TBX2: variants seen among roughly 807,000 people sequenced by gnomAD.
TBX2 encodes the protein T-box transcription factor 2.
A neutral mutation model predicts 48.4 loss-of-function variants in TBX2; 19 were observed. That is an observed-to-expected ratio of 0.39 (90% CI 0.27 to 0.58). The LOEUF (loss-of-function observed/expected upper bound fraction) is 0.58. Among genes scored for constraint, TBX2 ranks in the 20% least tolerant of loss-of-function variants. The pLI, the probability that TBX2 is intolerant of heterozygous loss-of-function variation, is 0.54. For synonymous variants in TBX2, 522 were observed against 459.7 expected (o/e 1.14, Z -1.73); for missense variants, 994 against 1,006.5 (o/e 0.99, Z 0.17).
At position 61,408,860 on chromosome 17, in the gene TBX2, G is replaced by A. The variant is rs2060298918; in HGVS notation, c.*354G>A. 1 of 221,246 alleles carries A rather than the reference G, an allele frequency of 4.5e-6. No homozygotes were observed. Among genetic ancestry groups the A allele is most frequent in the Non-Finnish European group, 8.8e-6 (1 of 114,218 alleles). The allele number at this position is 221,246 out of a possible 1,614,324, so 13.7% of individuals were successfully genotyped here. ...CCAGAAGGTGCAGGGGCCAGGGGTGGGAGCATCGGAGGGAGTCCCAGAGCC... is the reference window on the plus strand; with the variant it reads ...CCAGAAGGTGCAGGGGCCAGGGGTGAGAGCATCGGAGGGAGTCCCAGAGCC... On this transcript the variant is annotated 3_prime_UTR_variant, in exon 7 of 7. Coordinates refer to ENST00000240328, the MANE Select transcript of TBX2 (RefSeq NM_005994.4).
At chr17:61,401,415 G>C (rs2270114) in intron 1 of TBX2, among the ~76,000 whole-genome samples, 81,918 of 152,108 alleles carry the variant, frequency 0.54, 25,801 homozygotes, top group Non-Finnish European at 0.72. Flanking sequence ...TCTCAGATCA[G>C]GGAGAAAGAG....
rs986173267 is a variant in TBX2 at position 61,409,435 on chromosome 17, C to A, written c.*929C>A. On this transcript the variant is annotated 3_prime_UTR_variant, in exon 7 of 7. Coordinates refer to ENST00000240328, the MANE Select transcript of TBX2 (RefSeq NM_005994.4). ...CGGAGCGAGAACGAAACGACAAAAACGCAAGAAAACAATAAAACGCTAGAA... is the reference window on the plus strand; with the variant it reads ...CGGAGCGAGAACGAAACGACAAAAAAGCAAGAAAACAATAAAACGCTAGAA... The A allele has an allele frequency of 6.6e-6, 1 of 152,184 alleles. No homozygotes were observed. Among genetic ancestry groups the A allele is most frequent in the Non-Finnish European group, 1.5e-5 (1 of 68,028 alleles). 9.4% of individuals were successfully genotyped at this position (152,184 alleles called of 1,614,324 possible).
At position 61,402,968 on chromosome 17, in the gene TBX2, G is replaced by GAGAGAGAGAGAGAGAA; in HGVS notation, c.664-90_664-89insGAGAGAGAGAGAAAGA. 1.6e-5 allele frequency: 3 copies of GAGAGAGAGAGAGAGAA among 185,028 alleles called. 1 individual carries two copies. The highest frequency in any genetic ancestry group is 2.7e-5 in the Non-Finnish European group (3 of 112,442). 11.5% of individuals were successfully genotyped at this position (185,028 alleles called of 1,614,324 possible). ...AGAGAGAGAGAGAGAGAGAGAGAGA[G>GAGAGAGAGAGAGAGAA]AGAAAGTGGAGAGGAAGAGGTCAGG... On this transcript the variant is annotated intron_variant, in intron 2 of 6. Coordinates refer to ENST00000240328, the MANE Select transcript of TBX2 (RefSeq NM_005994.4).
In TBX2 at chr17:61,408,226, G is replaced by A. The variant is rs775093972; in HGVS notation, c.1859G>A (p.Arg620His). 6 of 1,612,918 alleles carry A rather than the reference G, an allele frequency of 3.7e-6. No individual in the cohort carries two copies. The Admixed American group carries it at 5.0e-5, about 13-fold the overall frequency. The change falls in exon 7 of 7, where the codon CGT becomes CAT. Residue 620 changes from arginine (R) to histidine (H), a missense_variant. Physicochemically the swap from Arg to His is conservative, Grantham distance 29. Transcript: ENST00000240328. ...PFLGSARPRL[R>H]FSPYQIPVTI... ...CTGGGCAGTGCCCGGCCCCGACTGCGTTTCAGCCCCTATCAGATCCCGGTC... is the reference window on the plus strand; with the variant it reads ...CTGGGCAGTGCCCGGCCCCGACTGCATTTCAGCCCCTATCAGATCCCGGTC...
At chr17:61,404,283 C>G (rs1654320543) in intron 3 of TBX2, 138 bp from the exon 4 acceptor site, 1 of 1,085,644 alleles carries the variant, frequency 9.2e-7, no homozygotes, top group Non-Finnish European at 1.3e-6. Context: ...TCGGGGCGTC[C>G]CATCCCAGGC....
rs1481898540 is a variant in TBX2 at position 61,400,972 on chromosome 17, C to T, written c.395+401C>T. On this transcript the variant is annotated intron_variant, in intron 1 of 6. Coordinates refer to ENST00000240328, the MANE Select transcript of TBX2 (RefSeq NM_005994.4). This position sits in a 1 kb window ranked among gnomAD's most constrained non-coding sequence, Gnocchi z 9.2. ...CCTCTCTCAGACTCTGCTCCGACCCCGAAGCCCCTAGTGGGACCTGGGCCC... is the reference window on the plus strand; with the variant it reads ...CCTCTCTCAGACTCTGCTCCGACCCTGAAGCCCCTAGTGGGACCTGGGCCC... Among the ~76,000 whole-genome samples, 1 of 152,136 alleles carries T rather than the reference C, an allele frequency of 6.6e-6. No individual in the cohort carries two copies. Among genetic ancestry groups the T allele is most frequent in the East Asian group, 1.9e-4 (1 of 5,174 alleles).
rs566933114 is a variant in TBX2 at position 61,403,598 on chromosome 17, C to T, written c.810+391C>T. Among the ~76,000 whole-genome samples the T allele has an allele frequency of 6.6e-6, 1 of 152,096 alleles. No homozygotes were observed. Among genetic ancestry groups the T allele is most frequent in the African/African-American group, 2.4e-5 (1 of 41,512 alleles). On this transcript the variant is annotated intron_variant, in intron 3 of 6. Transcript: ENST00000240328. This position sits in a 1 kb window ranked among gnomAD's most constrained non-coding sequence, Gnocchi z 5.8. Reference sequence around the variant, plus strand: ...GCAATCTGCCCAGGCTCTACCGATGCTCAGAACCCGGGGCCCAGTTTTCAC... The same window carrying T: ...GCAATCTGCCCAGGCTCTACCGATGTTCAGAACCCGGGGCCCAGTTTTCAC...
chr17:61,401,799 C>T lies in TBX2; in HGVS notation c.511C>T (p.Arg171Cys). The T allele has an allele frequency of 1.2e-6, 2 of 1,613,164 alleles. No individual in the cohort carries two copies. Among genetic ancestry groups the T allele is most frequent in the African/African-American group, 1.3e-5 (1 of 75,048 alleles). ...TTGCCGCTATAAGTTCCACAACTCG[C>T]GCTGGATGGTGGCGGGCAAGGCCGA... ...DDCRYKFHNS[R>C]WMVAGKADPE... is the part of the protein sequence containing the mutation. The change falls in exon 2 of 7, where the codon CGC becomes TGC. Residue 171 changes from arginine to cysteine, a missense_variant. By Grantham distance (180) the Arg-to-Cys change is radical. Coordinates refer to ENST00000240328, the MANE Select transcript of TBX2 (RefSeq NM_005994.4).
At chr17:61,405,868 G>A (rs1040197860) in intron 6 of TBX2, 32 bp downstream of exon 6, 4 of 1,285,866 alleles carry the variant, frequency 3.1e-6, no homozygotes, top group Non-Finnish European at 3.9e-6. Flanking sequence ...CAGCGCCAGC[G>A]AGGGAGAAGG....
chr17:61,404,886 G>T (rs1157187299), intron 5 of TBX2, 117 bp downstream of exon 5: 1 of 1,431,324 alleles, frequency 7.0e-7, no homozygotes, highest in South Asian at 1.2e-5. Context: ...AAACGTCGGC[G>T]AGTGTCTGGG....
rs1471965734 is a variant in TBX2 at position 61,409,387 on chromosome 17, C to T, written c.*881C>T. On this transcript the variant is annotated 3_prime_UTR_variant, in exon 7 of 7. Transcript: ENST00000240328. ...TGGCTCGCCCGGCCCGCGGGCTCCA[C>T]CTCAGGTTTTCACTTTTCGCTCCGG... is the stretch of plus-strand genomic sequence containing the variant. 6.6e-6 allele frequency: 1 copy of T among 152,208 alleles called. No individual in the cohort carries two copies. Among genetic ancestry groups the T allele is most frequent in the African/African-American group, 2.4e-5 (1 of 41,460 alleles). 9.4% of individuals were successfully genotyped at this position (152,208 alleles called of 1,614,324 possible). A position where few individuals can be genotyped will look rare whatever the true frequency, so the allele number is the denominator to read the frequency against.
rs779229096 is a variant in TBX2, at chr17:61,408,326, C to G, written c.1959C>G (p.Ser653Arg). The change falls in exon 7 of 7, where the codon AGC becomes AGG. Residue 653 changes from serine (S) to arginine (R), a missense_variant. Physicochemically the swap from Ser to Arg is moderately radical, Grantham distance 110 (BLOSUM62 -1). This residue lies in a region of TBX2 where 639 missense variants were observed against 613.2 expected (regional missense o/e 1.04). Coordinates refer to ENST00000240328, the MANE Select transcript of TBX2 (RefSeq NM_005994.4). Reference sequence around the variant, plus strand: ...GCTCCAAGGCCGCTGGTGGAAACAGCCGGGAGCCTAGCCCCCTGCCCGAGC... The same window carrying G: ...GCTCCAAGGCCGCTGGTGGAAACAGGCGGGAGCCTAGCCCCCTGCCCGAGC... ...SEGSKAAGGN[S>R]REPSPLPELA... 3.7e-6 allele frequency: 6 copies of G among 1,608,542 alleles called. No individual in the cohort carries two copies. In the Admixed American group the frequency reaches 1.0e-4, roughly 27 times the overall value.
chr17:61,402,332 C>A (rs886239890), intron 2 of TBX2, among the ~76,000 whole-genome samples: 7 of 152,226 alleles, frequency 4.6e-5, no homozygotes, highest in African/African-American at 1.7e-4. Flanking sequence ...ATGACCTCAA[C>A]TTGTCCATCA....
At position 61,406,038 on chromosome 17, in the gene TBX2, G is replaced by T. The variant is rs1426318827; in HGVS notation, c.1686+202G>T. The T allele has an allele frequency of 1.0e-5, 5 of 482,354 alleles. No homozygotes were observed. Among genetic ancestry groups the T allele is most frequent in the Non-Finnish European group, 1.3e-5 (4 of 306,288 alleles). 29.9% of individuals were successfully genotyped at this position (482,354 alleles called of 1,614,324 possible). A position where few individuals can be genotyped will look rare whatever the true frequency, so the allele number is the denominator to read the frequency against. On this transcript the variant is annotated intron_variant, in intron 6 of 6. Coordinates refer to ENST00000240328, the MANE Select transcript of TBX2 (RefSeq NM_005994.4). The surrounding 1 kb of genome is among the most constrained non-coding windows in gnomAD (Gnocchi z 5.7). ...GACTGTGTTGTAAGTCCAGGGGCTG[G>T]CCAGGGCGCCGCTTCTGACTCCCGT...
chr17:61,402,974 G>GAA, intron 2 of TBX2, 87 bp from the exon 3 acceptor site: 1 of 1,236,018 alleles, frequency 8.1e-7, no homozygotes, highest in Non-Finnish European at 1.1e-6. Flanking sequence ...GAGAGAGAAA[G>GAA]TGGAGAGGAA....
chr17:61,405,090 CCAG>C (rs2060282353), intron 5 of TBX2, 109 bp from the exon 6 acceptor site: 3 of 1,508,884 alleles, frequency 2.0e-6, no homozygotes, highest in Non-Finnish European at 2.7e-6. Context: ...TTGCCCGACT[CCAG>C]CAGCTCCTCC....
rs1169579253 is a variant in TBX2 at position 61,406,055 on chromosome 17, G to C, written c.1686+219G>C. 2.3e-6 allele frequency: 1 copy of C among 426,070 alleles called. No homozygotes were observed. The highest frequency in any genetic ancestry group is 2.0e-5 in the African/African-American group (1 of 48,826). The allele number at this position is 426,070 out of a possible 1,614,324, so 26.4% of individuals were successfully genotyped here. On this transcript the variant is annotated intron_variant, in intron 6 of 6. Coordinates refer to ENST00000240328, the MANE Select transcript of TBX2 (RefSeq NM_005994.4). The surrounding 1 kb of genome is among the most constrained non-coding windows in gnomAD (Gnocchi z 5.7). ...AGGGGCTGGCCAGGGCGCCGCTTCT[G>C]ACTCCCGTGTGACCTTTGGCAAGTC...
Position 61,407,758 on chromosome 17 carries a change from C to G in TBX2, c.1687-296C>G, listed in dbSNP as rs547217647. The G allele has an allele frequency of 7.7e-5, 28 of 364,186 alleles. No homozygotes were observed. In the South Asian group the frequency reaches 1.7e-3, roughly 22 times the overall value. 22.6% of individuals were successfully genotyped at this position (364,186 alleles called of 1,614,324 possible). On this transcript the variant is annotated intron_variant, in intron 6 of 6. Transcript: ENST00000240328. ...CGTTTTCTCCCTCAAGGCCTTCACC[C>G]GTGCTAGGGCAGTCACCTGGAATGT... is the stretch of plus-strand genomic sequence containing the variant.
chr17:61,404,969 C>A, intron 5 of TBX2, 200 bp downstream of exon 5: 1 of 1,243,292 alleles, frequency 8.0e-7, no homozygotes, highest in Non-Finnish European at 1.1e-6. Context: ...GGACTCCGAG[C>A]CTGGCCCCTT....
Sources: gnomAD v4.1 joint callset for allele counts (sites outside exome capture counted in the v4.1 genomes callset) on GRCh38, gnomAD v4.1.1 for gene constraint, gnomAD v4.1.1 regional missense constraint, Gnocchi (gnomAD v3.1) non-coding constraint, MANE v1.5 for transcripts, NCBI Gene and HGNC (gene_info 2026-07-23, HGNC 2026-07-21) for gene names.